IKZF3: variants seen among roughly 807,000 people sequenced by gnomAD.
IKZF3 encodes the protein IKAROS family zinc finger 3, also known as zinc finger protein Aiolos.
IKZF3 carries 10 observed loss-of-function variants against 49.0 expected under a neutral mutation model. That is an observed-to-expected ratio of 0.20 (90% confidence interval 0.13 to 0.35). The LOEUF is 0.35. Among genes scored for constraint, IKZF3 ranks in the 10% least tolerant of loss-of-function variants. The pLI, the probability that IKZF3 is intolerant of heterozygous loss-of-function variation, is 1.00. For synonymous variants in IKZF3, 209 were observed against 228.2 expected, an observed-to-expected ratio of 0.92 and a Z score of 0.76; for missense variants, 498 against 664.8, an observed-to-expected ratio of 0.75 and a Z score of 2.76.
chr17:39,818,685 C>T (rs569189949), intron 3 of IKZF3, among the ~76,000 whole-genome samples: 6 of 151,938 alleles, frequency 3.9e-5, no homozygotes, highest in Non-Finnish European at 7.4e-5. Context: ...TGGTAAAACC[C>T]CGTCTCTCCT....
chr17:39,804,215 G>C (rs915581893), intron 3 of IKZF3, among the ~76,000 whole-genome samples: 2 of 152,192 alleles, frequency 1.3e-5, no homozygotes, highest in African/African-American at 4.8e-5. Context: ...GGGAGGCCAA[G>C]GCGGGCAGAT....
intron 1 of IKZF3, chr17:39,835,756 G>T: frequency 1.9e-6 from 1 of 513,020 alleles, no homozygotes; most frequent in Admixed American, 2.1e-5. Flanking sequence ...TTGTAAGCTT[G>T]CCATCCAGGT....
intron 1 of IKZF3, among the ~76,000 whole-genome samples, chr17:39,834,103 C>T (rs1430614544): frequency 2.0e-5 from 3 of 152,130 alleles, no homozygotes; most frequent in South Asian, 2.1e-4. Context: ...TGTCCCTCAA[C>T]TGGGATGTGT....
intron 1 of IKZF3, chr17:39,835,296 T>C (rs2062239524): frequency 1.8e-6 from 1 of 548,184 alleles, no homozygotes; most frequent in South Asian, 1.5e-5. Context: ...CTCCTGGTAC[T>C]TGAGCAGCTG....
chr17:39,832,163 G>A lies in IKZF3; in HGVS notation c.8-12C>T, dbSNP rs372599444. On this transcript the variant is annotated splice_polypyrimidine_tract_variant and intron_variant, in intron 1 of 7. Transcript: ENST00000346872. ...ATTTGTTTGTATATCTGAAAAGAAA[G>A]AGGTTATAAATATTAGCTACTTAGG... 19 of 1,605,466 alleles carry A rather than the reference G, an allele frequency of 1.2e-5. No individual in the cohort carries two copies. The highest frequency in any genetic ancestry group is 1.5e-5 in the Non-Finnish European group (18 of 1,172,580).
chr17:39,770,153 C>G (rs1211942925), intron 7 of IKZF3, among the ~76,000 whole-genome samples: 1 of 152,190 alleles, frequency 6.6e-6, no homozygotes, highest in Non-Finnish European at 1.5e-5. Context: ...GGGTAAACTA[C>G]AGTAATTGAA....
intron 5 of IKZF3, 134 bp from the exon 6 acceptor site, chr17:39,788,508 C>T: frequency 1.6e-6 from 1 of 615,074 alleles, no homozygotes; most frequent in Non-Finnish European, 3.0e-6. Context: ...ACTTTTGAAT[C>T]TATATTTTAA....
intron 3 of IKZF3, among the ~76,000 whole-genome samples, chr17:39,807,709 A>C (rs1373315704): frequency 6.6e-6 from 1 of 151,960 alleles, no homozygotes; most frequent in Non-Finnish European, 1.5e-5. Flanking sequence ...GAAATAAAAG[A>C]AACAAACTAC....
intron 1 of IKZF3, among the ~76,000 whole-genome samples, chr17:39,837,699 T>C (rs2062337864): frequency 6.6e-6 from 1 of 151,860 alleles, no homozygotes; most frequent in Non-Finnish European, 1.5e-5. Flanking sequence ...AGTGCAGTGG[T>C]GCAATCTTGG....
chr17:39,778,076 G>T (rs1471382610), intron 6 of IKZF3: 1 of 1,033,046 alleles, frequency 9.7e-7, no homozygotes, highest in African/African-American at 1.7e-5. Flanking sequence ...AAGATAGATA[G>T]ATGGAGATCT....
intron 3 of IKZF3, among the ~76,000 whole-genome samples, chr17:39,828,995 C>T (rs528330100): frequency 7.9e-5 from 12 of 151,496 alleles, no homozygotes; most frequent in South Asian, 2.1e-4. Flanking sequence ...AGTGAAACTC[C>T]GTCTCAAAAA....
intron 3 of IKZF3, among the ~76,000 whole-genome samples, chr17:39,825,541 C>A (rs1258022627): frequency 6.6e-6 from 1 of 152,084 alleles, no homozygotes; most frequent in African/African-American, 2.4e-5. Context: ...TAGAGATGGT[C>A]TCTGGTTGAC....
intron 3 of IKZF3, among the ~76,000 whole-genome samples, chr17:39,825,106 C>T (rs2061923400): frequency 6.6e-6 from 1 of 152,132 alleles, no homozygotes; most frequent in Admixed American, 6.6e-5. Flanking sequence ...TGAGGCTTCC[C>T]CATCCATTTG....
intron 6 of IKZF3, among the ~76,000 whole-genome samples, chr17:39,778,458 A>T (rs1305024529): frequency 2.0e-5 from 3 of 152,208 alleles, no homozygotes; most frequent in Non-Finnish European, 4.4e-5. Context: ...GAAATTAAAG[A>T]ACAATTTGTA....
chr17:39,784,735 C>A (rs116028674), intron 6 of IKZF3, among the ~76,000 whole-genome samples: 5,385 of 152,228 alleles, frequency 0.035, 332 homozygotes, highest in African/African-American at 0.12. Context: ...AGGGGCTTAA[C>A]CTTAACTCAT....
intron 6 of IKZF3, among the ~76,000 whole-genome samples, chr17:39,785,400 A>G (rs2060850069): frequency 6.6e-6 from 1 of 152,056 alleles, no homozygotes; most frequent in Non-Finnish European, 1.5e-5. Flanking sequence ...TTTTTTGCTG[A>G]GACTTAAAGT....
chr17:39,807,188 A>G (rs148720334), intron 3 of IKZF3, among the ~76,000 whole-genome samples: 1 of 152,334 alleles, frequency 6.6e-6, no homozygotes, highest in African/African-American at 2.4e-5. Context: ...CACAGCAATC[A>G]ATAACTAATA....
chr17:39,776,630 T>C (rs567541384), intron 7 of IKZF3, among the ~76,000 whole-genome samples: 30 of 152,364 alleles, frequency 2.0e-4, no homozygotes, highest in Non-Finnish European at 4.1e-4. Flanking sequence ...TTGAAATATA[T>C]GGGTTCTTTC....
intron 1 of IKZF3, among the ~76,000 whole-genome samples, chr17:39,853,981 C>T (rs1343887913): frequency 1.3e-5 from 2 of 151,962 alleles, no homozygotes; most frequent in Admixed American, 1.3e-4. Flanking sequence ...ACAAAATTAG[C>T]TGGGCGTGGT....
Sources: allele counts gnomAD v4.1 joint callset (sites outside exome capture counted in the v4.1 genomes callset), GRCh38; gene constraint gnomAD v4.1.1; transcripts MANE v1.5; gene names NCBI Gene and HGNC (gene_info 2026-07-23, HGNC 2026-07-21).